The following SGSM1 variants were observed in gnomAD, a reference collection of about 807,000 sequenced individuals.
The protein encoded by SGSM1 is RUN and TBC1 domain containing 2.
A neutral mutation model predicts 133.8 loss-of-function variants in SGSM1; 73 were observed. The observed-to-expected ratio is 0.55, with a 90% confidence interval of 0.45 to 0.66. SGSM1 has a LOEUF of 0.66. SGSM1 is among the 30% of genes least tolerant of loss of function. The pLI is 0.00. For synonymous variants in SGSM1, 563 were observed against 573.0 expected, an observed-to-expected ratio of 0.98 and a Z score of 0.25; for missense variants, 1,213 against 1,448.1, an observed-to-expected ratio of 0.84 and a Z score of 2.64.
chr22:24,860,237 A>G (rs1439399288), intron 9 of SGSM1, among the ~76,000 whole-genome samples: 3 of 152,230 alleles, frequency 2.0e-5, no homozygotes, highest in Non-Finnish European at 2.9e-5. Context: ...TGCATCTGCC[A>G]TGAAATCTTG....
chr22:24,923,307 G>T (rs552523676), intron 24 of SGSM1, among the ~76,000 whole-genome samples: 10 of 152,226 alleles, frequency 6.6e-5, no homozygotes, highest in South Asian at 2.1e-4. Context: ...ACACGCTGGG[G>T]TACCTTGGTA....
At chr22:24,808,575 T>C (rs1452941537) in intron 2 of SGSM1, among the ~76,000 whole-genome samples, 1 of 152,084 alleles carries the variant, frequency 6.6e-6, no homozygotes, top group African/African-American at 2.4e-5. Context: ...GGTAGCTTTG[T>C]TTTTAAGGCA....
At chr22:24,807,207 T>C (rs943633724) in intron 2 of SGSM1, among the ~76,000 whole-genome samples, 2 of 152,052 alleles carry the variant, frequency 1.3e-5, no homozygotes, top group African/African-American at 4.8e-5. Context: ...CAGAACCCCA[T>C]AGACAGAATT....
At chr22:24,879,343 G>A in intron 13 of SGSM1, 119 bp from the exon 14 acceptor site, 3 of 877,386 alleles carry the variant, frequency 3.4e-6, no homozygotes, top group Non-Finnish European at 5.4e-6. Context: ...CCTCCCTACA[G>A]TCTCCCTGAC....
At chr22:24,903,509 G>A (rs1933241867) in intron 20 of SGSM1, among the ~76,000 whole-genome samples, 1 of 152,026 alleles carries the variant, frequency 6.6e-6, no homozygotes. Flanking sequence ...CACCCAGCCT[G>A]AATGTACATA....
rs1428058451 is a variant in SGSM1, at chr22:24,925,363, A to G, written c.*1089A>G. On this transcript the variant is annotated 3_prime_UTR_variant, in exon 25 of 25. Coordinates refer to ENST00000400358, the MANE Select transcript of SGSM1 (RefSeq NM_001098497.3). The stretch of plus-strand genomic sequence containing the variant: ...CAGTTCAAGACTCCATCTCAAAAAA[A>G]AAAAGAAAAGGCACACAAGAGTCCC... The G allele has an allele frequency of 6.6e-6, 1 of 152,200 alleles. No homozygotes were observed. Among genetic ancestry groups the G allele is most frequent in the African/African-American group, 2.4e-5 (1 of 41,446 alleles). The allele number at this position is 152,200 out of a possible 1,614,324, so 9.4% of individuals were successfully genotyped here. A position where few individuals can be genotyped will look rare whatever the true frequency, so the allele number is the denominator to read the frequency against.
rs572881952 is a variant in SGSM1 at position 24,828,386 on chromosome 22, G to A, written c.64-16511G>A. ...AGTATTCTATAAAAGCACCTGGCACGTAGAGGATGTTCAAGTAAGGAACTT... is the reference window on the plus strand; with the variant it reads ...AGTATTCTATAAAAGCACCTGGCACATAGAGGATGTTCAAGTAAGGAACTT... On this transcript the variant is annotated intron_variant, in intron 2 of 24. Transcript: ENST00000400358. Among the ~76,000 whole-genome samples the A allele has an allele frequency of 1.5e-3, 231 of 152,242 alleles. 2 individuals carry two copies. The highest frequency in any genetic ancestry group is 2.3e-3 in the Non-Finnish European group (158 of 68,028).
At chr22:24,856,499 T>A (rs1930796729) in intron 8 of SGSM1, among the ~76,000 whole-genome samples, 1 of 152,216 alleles carries the variant, frequency 6.6e-6, no homozygotes, top group African/African-American at 2.4e-5. Flanking sequence ...GTGAGGCATA[T>A]GCAGTTCCTG....
chr22:24,878,447 G>T (rs1932143813), intron 13 of SGSM1, among the ~76,000 whole-genome samples: 1 of 152,172 alleles, frequency 6.6e-6, no homozygotes, highest in Non-Finnish European at 1.5e-5. Context: ...TCATCAACCT[G>T]AGGGCACAAA....
chr22:24,834,970 G>A (rs528373828), intron 2 of SGSM1, among the ~76,000 whole-genome samples: 15 of 152,180 alleles, frequency 9.9e-5, no homozygotes, highest in Middle Eastern at 3.4e-3. Flanking sequence ...GTAGGCTGGA[G>A]AGAGCTTTGC....
At chr22:24,854,938 G>A in intron 5 of SGSM1, 58 bp from the exon 6 acceptor site, 1 of 1,424,044 alleles carries the variant, frequency 7.0e-7, no homozygotes, top group Non-Finnish European at 9.8e-7. Flanking sequence ...TCTCATCTGT[G>A]GATTGTGCGT....
chr22:24,842,181 G>C (rs1340919006), intron 2 of SGSM1, among the ~76,000 whole-genome samples: 1 of 152,198 alleles, frequency 6.6e-6, no homozygotes, highest in Non-Finnish European at 1.5e-5. Context: ...AGGAAAGAAA[G>C]AGGTAGATTC....
intron 20 of SGSM1, among the ~76,000 whole-genome samples, chr22:24,902,891 A>G (rs1167757969): frequency 6.6e-6 from 1 of 152,110 alleles, no homozygotes; most frequent in Non-Finnish European, 1.5e-5. Context: ...GTTTTAATAA[A>G]TTAGCCAGGC....
intron 2 of SGSM1, among the ~76,000 whole-genome samples, chr22:24,831,938 CTG>C (rs1929141974): frequency 6.6e-6 from 1 of 152,218 alleles, no homozygotes; most frequent in Non-Finnish European, 1.5e-5. Flanking sequence ...TGTTGTATCA[CTG>C]AGTCCTAGAG....
At chr22:24,912,238 T>C (rs534179219) in intron 21 of SGSM1, among the ~76,000 whole-genome samples, 1 of 152,202 alleles carries the variant, frequency 6.6e-6, no homozygotes, top group African/African-American at 2.4e-5. Context: ...GAATACAATA[T>C]GGACTTTAGT....
intron 2 of SGSM1, among the ~76,000 whole-genome samples, chr22:24,809,209 C>CA (rs1267257751): frequency 1.3e-5 from 2 of 152,194 alleles, no homozygotes; most frequent in African/African-American, 4.8e-5. Context: ...CTCTCAGTGT[C>CA]AGAGAGCCAG....
chr22:24,845,959 T>TTCTTTCTTTCTTTCTTTCTC (rs1930102068), intron 3 of SGSM1, among the ~76,000 whole-genome samples: 6 of 105,036 alleles, frequency 5.7e-5, no homozygotes, highest in Admixed American at 2.7e-4. Context: ...CTTTCTTTCT[T>TTCTTTCTTTCTTTCTTTCTC]TCTTTCTTTC....
intron 21 of SGSM1, among the ~76,000 whole-genome samples, chr22:24,911,553 G>A (rs78652240): frequency 0.024 from 3,604 of 152,112 alleles, 135 homozygotes; most frequent in African/African-American, 0.082. Flanking sequence ...TGACAAACAC[G>A]ACCTCAGCCA....
intron 15 of SGSM1, among the ~76,000 whole-genome samples, chr22:24,886,333 G>A (rs933042817): frequency 2.6e-5 from 4 of 151,220 alleles, no homozygotes; most frequent in East Asian, 2.0e-4. Flanking sequence ...ACTGGGAGGC[G>A]GAGGTTGCAG....
Sources: allele counts gnomAD v4.1 joint callset (sites outside exome capture counted in the v4.1 genomes callset), GRCh38; gene constraint gnomAD v4.1.1; transcripts MANE v1.5; gene names NCBI Gene and HGNC (gene_info 2026-07-23, HGNC 2026-07-21).